The following ABCB11 variants were observed in gnomAD, a reference collection of about 807,000 sequenced individuals.
ABCB11 encodes the protein bile salt export pump.
ABCB11 carries 95 observed loss-of-function variants against 148.0 expected under a neutral mutation model. The observed-to-expected ratio is 0.64, with a 90% CI of 0.54 to 0.76. The LOEUF (loss-of-function observed/expected upper bound fraction) is 0.76, where lower values mean the gene tolerates loss of function less well. ABCB11 is among the 30% of genes least tolerant of loss of function. The pLI is 0.00. For synonymous variants in ABCB11, 591 were observed against 555.4 expected (o/e 1.06, Z -0.90); for missense variants, 1,523 against 1,617.8 (o/e 0.94, Z 1.01).
At chr2:168,938,791 C>G (rs747964450) in intron 21 of ABCB11, among the ~76,000 whole-genome samples, 1 of 151,700 alleles carries the variant, frequency 6.6e-6, no homozygotes, top group African/African-American at 2.4e-5. Context: ...TTTGGGATGT[C>G]GTTATTTTGT....
At chr2:168,976,527 T>A (rs372877727) in intron 12 of ABCB11, 50 bp downstream of exon 12, 57 of 1,118,404 alleles carry the variant, frequency 5.1e-5, no homozygotes, top group Non-Finnish European at 6.7e-5. Context: ...TGCAAATAAA[T>A]CATCGAAGAA....
chr2:168,949,194 C>T (rs935187281), intron 19 of ABCB11, among the ~76,000 whole-genome samples: 5 of 151,608 alleles, frequency 3.3e-5, no homozygotes, highest in African/African-American at 1.2e-4. Context: ...TTTTTTTAAA[C>T]TGCTTTTTTA....
intron 5 of ABCB11, among the ~76,000 whole-genome samples, chr2:169,003,363 T>C (rs752684764): frequency 4.7e-5 from 7 of 147,748 alleles, no homozygotes; most frequent in African/African-American, 9.9e-5. Context: ...TATATATATA[T>C]GCACACACAC....
At chr2:168,977,032 AATTT>A (rs964851507) in intron 11 of ABCB11, among the ~76,000 whole-genome samples, 118 of 148,518 alleles carry the variant, frequency 7.9e-4, no homozygotes, top group Non-Finnish European at 1.4e-3. Flanking sequence ...ATATTTAATT[AATTT>A]ATTTAATTGT....
chr2:168,921,887 C>T lies in ABCB11; in HGVS notation c.*1735G>A, dbSNP rs1285983158. ...TCTTTTTTTTTTTTTTTCGCTCTGTCGCCCAGGCTGGAGTGCAGTGGCGCG... is the reference window on the plus strand; with the variant it reads ...TCTTTTTTTTTTTTTTTCGCTCTGTTGCCCAGGCTGGAGTGCAGTGGCGCG... On this transcript the variant is annotated 3_prime_UTR_variant, in exon 28 of 28. Transcript: ENST00000650372. Among the ~76,000 whole-genome samples the T allele has an allele frequency of 2.8e-5, 4 of 142,154 alleles. No individual in the cohort carries two copies. The highest frequency in any genetic ancestry group is 1.1e-4 in the African/African-American group (4 of 36,630). The allele number at this position is 142,154 out of a possible 152,430, so 93.3% of individuals were successfully genotyped here. A position where few individuals can be genotyped will look rare whatever the true frequency, so the allele number is the denominator to read the frequency against.
chr2:168,952,597 A>AT (rs1164685544), intron 19 of ABCB11, among the ~76,000 whole-genome samples: 13 of 140,502 alleles, frequency 9.3e-5, no homozygotes, highest in Non-Finnish European at 1.7e-4. Context: ...GTTTATTTGG[A>AT]TTTTCTCTCT....
intron 18 of ABCB11, among the ~76,000 whole-genome samples, chr2:168,963,988 A>G (rs1693187324): frequency 6.6e-6 from 1 of 151,832 alleles, no homozygotes; most frequent in African/African-American, 2.4e-5. Context: ...AGTTTTCATT[A>G]CCTTGTATTC....
intron 19 of ABCB11, among the ~76,000 whole-genome samples, chr2:168,954,561 T>G (rs961358557): frequency 8.6e-5 from 13 of 151,634 alleles, no homozygotes; most frequent in African/African-American, 2.9e-4. Context: ...CTTTCTCTTC[T>G]GGCCTGTAAG....
At chr2:168,961,811 C>A (rs768938862) in intron 18 of ABCB11, among the ~76,000 whole-genome samples, 7 of 151,620 alleles carry the variant, frequency 4.6e-5, no homozygotes, top group Admixed American at 1.3e-4. Context: ...GTCAATACTC[C>A]ACAAGACCAC....
chr2:168,936,915 G>T (rs748926296), intron 21 of ABCB11, among the ~76,000 whole-genome samples: 5 of 151,774 alleles, frequency 3.3e-5, no homozygotes, highest in African/African-American at 4.8e-5. Flanking sequence ...TTGAGACAAG[G>T]TCTCACTCTG....
downstream of ABCB11, among the ~76,000 whole-genome samples, chr2:168,918,967 C>A (rs1007799742): frequency 1.3e-5 from 2 of 151,978 alleles, no homozygotes; most frequent in Admixed American, 1.3e-4. Flanking sequence ...GTACATAAAT[C>A]TTTTAGCAGT....
intron 12 of ABCB11, among the ~76,000 whole-genome samples, chr2:168,974,989 C>T (rs1013307910): frequency 6.9e-6 from 1 of 144,844 alleles, no homozygotes; most frequent in Admixed American, 7.0e-5. Context: ...TATATTTGTA[C>T]ATTTGTTATA....
In ABCB11 at chr2:168,982,774, G is replaced by A. The variant is rs562201767; in HGVS notation, c.1084-2795C>T. ...AGAAGTGTGGCCAAGACCTGAGAGA[G>A]AGAGCGAGCGAGAGAGAGAGAGAGA... On this transcript the variant is annotated intron_variant, in intron 10 of 27. Transcript: ENST00000650372. Among the ~76,000 whole-genome samples, 18 of 152,160 alleles carry A rather than the reference G, an allele frequency of 1.2e-4. No homozygotes were observed. The South Asian group carries it at 3.7e-3, about 32-fold the overall frequency.
At chr2:168,926,596 T>C (rs1018898713) in intron 26 of ABCB11, among the ~76,000 whole-genome samples, 2 of 152,198 alleles carry the variant, frequency 1.3e-5, no homozygotes, top group African/African-American at 4.8e-5. Context: ...ATCCATTGCA[T>C]TGGGCAATAC....
At chr2:168,932,563 G>T (rs1187190471) in intron 23 of ABCB11, 30 bp from the exon 24 acceptor site, 1 of 1,608,658 alleles carries the variant, frequency 6.2e-7, no homozygotes, top group East Asian at 2.2e-5. Flanking sequence ...CAGGAAGAGA[G>T]CAGGGTGGCG....
chr2:168,970,130 C>T lies in ABCB11; in HGVS notation c.1724G>A (p.Arg575Gln), dbSNP rs200667815. ...GTCCAAAAGCAGAATCTTGGGATTT[C>T]GGATGAGGGCTCTGGCGATAGCTAC... ...QRVAIARALI[R>Q]NPKILLLDMA... The change falls in exon 15 of 28, where the codon CGA becomes CAA. Residue 575 changes from arginine (R) to glutamine (Q), a missense_variant. Physicochemically the swap from Arg to Gln is conservative, Grantham distance 43. Transcript: ENST00000650372. 9.5e-5 allele frequency: 154 copies of T among 1,612,958 alleles called. No homozygotes were observed. Among genetic ancestry groups the T allele is most frequent in the Admixed American group, 2.8e-4 (17 of 59,892 alleles).
At chr2:168,924,108 G>A (rs962280408) in intron 27 of ABCB11, among the ~76,000 whole-genome samples, 1 of 152,200 alleles carries the variant, frequency 6.6e-6, no homozygotes, top group Non-Finnish European at 1.5e-5. Context: ...GAAATGAAAT[G>A]AAGAAAACAA....
intron 1 of ABCB11, among the ~76,000 whole-genome samples, chr2:169,029,206 A>G (rs1288689096): frequency 6.6e-6 from 1 of 151,894 alleles, no homozygotes. Flanking sequence ...CTGCTCAGAG[A>G]GAACAGAACT....
chr2:168,944,967 A>G lies in ABCB11; in HGVS notation c.2344-6T>C. On this transcript the variant is annotated splice_region_variant and splice_polypyrimidine_tract_variant and intron_variant, in intron 19 of 27. Transcript: ENST00000650372. Reference sequence around the variant, plus strand: ...TTATCAGGAATTGAAAAAGTCTTGGAAAGATAGTAAACAAGAAAGTAACTT... The same window carrying G: ...TTATCAGGAATTGAAAAAGTCTTGGGAAGATAGTAAACAAGAAAGTAACTT... 6.6e-7 allele frequency: 1 copy of G among 1,511,980 alleles called. No individual in the cohort carries two copies. Among genetic ancestry groups the G allele is most frequent in the Non-Finnish European group, 8.9e-7 (1 of 1,122,050 alleles). The allele number at this position is 1,511,980 out of a possible 1,614,324, so 93.7% of individuals were successfully genotyped here.
Sources: allele counts gnomAD v4.1 joint callset (sites outside exome capture counted in the v4.1 genomes callset), GRCh38; gene constraint gnomAD v4.1.1; transcripts MANE v1.5; gene names NCBI Gene and HGNC (gene_info 2026-07-23, HGNC 2026-07-21).